BCL6: variants seen among roughly 807,000 people sequenced by gnomAD.
BCL6 encodes B-cell lymphoma 6 protein.
In BCL6, 7 loss-of-function variants were observed where a neutral mutation model predicts 59.5. The observed-to-expected ratio is 0.12, with a 90% CI of 0.07 to 0.22. The LOEUF is 0.22. Among genes scored for constraint, BCL6 ranks in the 10% least tolerant of loss-of-function variants. The pLI, the probability that BCL6 is intolerant of heterozygous loss-of-function variation, is 1.00. For synonymous variants in BCL6, 339 were observed against 349.7 expected, an observed-to-expected ratio of 0.97 and a Z score of 0.34; for missense variants, 685 against 939.4, an observed-to-expected ratio of 0.73 and a Z score of 3.54.
intron 2 of BCL6, chr3:187,734,596 AC>A (rs1560154517): frequency 1.3e-5 from 2 of 152,258 alleles, no homozygotes; most frequent in Non-Finnish European, 2.9e-5. Context: ...GAGTTGCTTG[AC>A]TTTTGTACCT....
chr3:187,735,148 A>G lies in BCL6; in HGVS notation c.-49-241T>C, dbSNP rs963253964. On this transcript the variant is annotated intron_variant, in intron 1 of 9. Transcript: ENST00000406870. The stretch of plus-strand genomic sequence containing the variant: ...GAGTACTGGGAGTACAATTGCATAC[A>G]TTAATTAGTTATACATACATACATA... Among the ~76,000 whole-genome samples the G allele has an allele frequency of 2.0e-4, 31 of 152,230 alleles. 1 individual carries two copies. The highest frequency in any genetic ancestry group is 7.5e-4 in the African/African-American group (31 of 41,458).
Position 187,722,304 on chromosome 3 carries a change from G to GGGCCCCCCCCCCCC in BCL6, c.*153_*154insGGGGGGGGGGGGCC. ...GCTGCTGCGGCTCCCAGTCCCCCAG[G>GGGCCCCCCCCCCCC]CCCCGACCCCCACCACCCCCAACCC... is the stretch of plus-strand genomic sequence containing the variant. On this transcript the variant is annotated 3_prime_UTR_variant, in exon 10 of 10. Transcript: ENST00000406870. 3.2e-5 allele frequency: 10 copies of GGGCCCCCCCCCCCC among 309,198 alleles called. No individual in the cohort carries two copies. The highest frequency in any genetic ancestry group is 1.1e-4 in the East Asian group (2 of 17,926). The allele number at this position is 309,198 out of a possible 1,614,324, so 19.2% of individuals were successfully genotyped here. A position where few individuals can be genotyped will look rare whatever the true frequency, so the allele number is the denominator to read the frequency against.
chr3:187,745,018 A>C (rs1576886124), intron 1 of BCL6, among the ~76,000 whole-genome samples: 4 of 148,918 alleles, frequency 2.7e-5, no homozygotes, highest in African/African-American at 4.9e-5. Flanking sequence ...GCCGCCCCCT[A>C]ATTCCCCTCC....
At position 187,722,360 on chromosome 3, in the gene BCL6, A is replaced by G; in HGVS notation, c.*98T>C. The G allele has an allele frequency of 8.5e-7, 1 of 1,180,346 alleles. No individual in the cohort carries two copies. Among genetic ancestry groups the G allele is most frequent in the Non-Finnish European group, 1.1e-6 (1 of 904,206 alleles). 73.1% of individuals were successfully genotyped at this position (1,180,346 alleles called of 1,614,324 possible). A position where few individuals can be genotyped will look rare whatever the true frequency, so the allele number is the denominator to read the frequency against. On this transcript the variant is annotated 3_prime_UTR_variant, in exon 10 of 10. Transcript: ENST00000406870. Reference sequence around the variant, plus strand: ...TATGATTTGCACTAGTGGATGAAAGAGGCACTACATCATGGGATGAACATT... The same window carrying G: ...TATGATTTGCACTAGTGGATGAAAGGGGCACTACATCATGGGATGAACATT...
rs1718655378 is a variant in BCL6 at position 187,725,679 on chromosome 3, T to A, written c.1709-50A>T. The A allele has an allele frequency of 6.2e-7, 1 of 1,608,772 alleles. No individual in the cohort carries two copies. The highest frequency in any genetic ancestry group is 8.5e-7 in the Non-Finnish European group (1 of 1,176,778). Reference sequence around the variant, plus strand: ...GAAAAGCCATATTCAATAAGGAAGGTCTCTGCAGTCCGTGGCTCCTGGATT... The same window carrying A: ...GAAAAGCCATATTCAATAAGGAAGGACTCTGCAGTCCGTGGCTCCTGGATT... On this transcript the variant is annotated intron_variant, in intron 7 of 9. Transcript: ENST00000406870. The surrounding 1 kb of genome is among the most constrained non-coding windows in gnomAD (Gnocchi z 4.7).
At chr3:187,744,332 C>T (rs1560160821) in intron 1 of BCL6, among the ~76,000 whole-genome samples, 1 of 152,060 alleles carries the variant, frequency 6.6e-6, no homozygotes, top group Non-Finnish European at 1.5e-5. Flanking sequence ...CCCACCCACC[C>T]CAAGAAGCCC....
chr3:187,734,209 T>C (rs1719182895), intron 2 of BCL6, among the ~76,000 whole-genome samples: 1 of 152,042 alleles, frequency 6.6e-6, no homozygotes. Flanking sequence ...CCCAGCTAAT[T>C]TTTTTGTATT....
chr3:187,724,931 G>T lies in BCL6; in HGVS notation c.1977+10C>A, dbSNP rs201578580. On this transcript the variant is annotated intron_variant, in intron 9 of 9. Transcript: ENST00000406870. The stretch of plus-strand genomic sequence containing the variant: ...GCAGGTCAGAGAGCGGCCTCAAGAG[G>T]CTTACGTACATGGTAAGGTTTCTCT... 21 of 1,612,626 alleles carry T rather than the reference G, an allele frequency of 1.3e-5. No homozygotes were observed. Among genetic ancestry groups the T allele is most frequent in the Non-Finnish European group, 1.8e-5 (21 of 1,179,660 alleles).
intron 1 of BCL6, among the ~76,000 whole-genome samples, chr3:187,744,221 G>A (rs558100188): frequency 6.6e-6 from 1 of 152,302 alleles, no homozygotes; most frequent in African/African-American, 2.4e-5. Context: ...GCAGCGGCCA[G>A]AAATCCCGCC....
chr3:187,744,793 G>A (rs1268560300), intron 1 of BCL6, among the ~76,000 whole-genome samples: 2 of 148,046 alleles, frequency 1.4e-5, no homozygotes, highest in African/African-American at 4.9e-5. Context: ...GGAGGGAAGC[G>A]GAGGCCAGGA....
chr3:187,744,199 A>G, intron 1 of BCL6, among the ~76,000 whole-genome samples: 1 of 152,278 alleles, frequency 6.6e-6, no homozygotes, highest in African/African-American at 2.4e-5. Context: ...CAGCGCCCAA[A>G]ATACAAACAC....
At chr3:187,741,610 G>C (rs1711595804) in intron 1 of BCL6, among the ~76,000 whole-genome samples, 1 of 152,178 alleles carries the variant, frequency 6.6e-6, no homozygotes, top group African/African-American at 2.4e-5. Flanking sequence ...AAACCAGCCA[G>C]TTCTGCCACC....
At chr3:187,743,956 C>T (rs1711735027) in intron 1 of BCL6, among the ~76,000 whole-genome samples, 1 of 152,240 alleles carries the variant, frequency 6.6e-6, no homozygotes, top group Non-Finnish European at 1.5e-5. Flanking sequence ...GTCCCCTCAG[C>T]CACGGCCACA....
intron 3 of BCL6, 56 bp from the exon 4 acceptor site, chr3:187,731,986 A>G (rs1719070386): frequency 6.9e-7 from 1 of 1,444,332 alleles, no homozygotes; most frequent in Admixed American, 1.8e-5. Context: ...GTGATCCCTT[A>G]CAGTCAGCAC....
chr3:187,737,158 A>G (rs1379834327), intron 1 of BCL6: 1 of 152,238 alleles, frequency 6.6e-6, no homozygotes, highest in Non-Finnish European at 1.5e-5. Context: ...ACGCTGGGTC[A>G]GTAACCACCA....
At chr3:187,727,899 A>G (rs1718801233) in intron 6 of BCL6, among the ~76,000 whole-genome samples, 1 of 152,182 alleles carries the variant, frequency 6.6e-6, no homozygotes, top group Non-Finnish European at 1.5e-5. Flanking sequence ...AACTCGACTA[A>G]TATTACTGAG....
chr3:187,740,951 T>C (rs1247371523), intron 1 of BCL6, among the ~76,000 whole-genome samples: 7 of 152,188 alleles, frequency 4.6e-5, no homozygotes, highest in Admixed American at 4.6e-4. Context: ...CTGTCAGTCC[T>C]AGCATCTGGT....
chr3:187,726,723 G>A lies in BCL6; in HGVS notation c.1708+8C>T. Reference sequence around the variant, plus strand: ...GGAGAGTTCGGGTCGTGTGGGGCAGGGCCATACCGGTATGGACGGTCTTGT... The same window carrying A: ...GGAGAGTTCGGGTCGTGTGGGGCAGAGCCATACCGGTATGGACGGTCTTGT... On this transcript the variant is annotated splice_region_variant and intron_variant, in intron 7 of 9. Transcript: ENST00000406870. The A allele has an allele frequency of 1.9e-6, 3 of 1,613,572 alleles. No individual in the cohort carries two copies. The highest frequency in any genetic ancestry group is 2.5e-6 in the Non-Finnish European group (3 of 1,179,824).
Position 187,725,228 on chromosome 3 carries a change from ACTCTGCTCACCTGCCCACTC to A in BCL6, c.1840-170_1840-151del. 1.5e-6 allele frequency: 2 copies of A among 1,313,588 alleles called. No homozygotes were observed. The highest frequency in any genetic ancestry group is 2.1e-6 in the Non-Finnish European group (2 of 955,160). 81.4% of individuals were successfully genotyped at this position (1,313,588 alleles called of 1,614,324 possible). ...GACTGAGTGGGCCTTTCTGCTGCCC[ACTCTGCTCACCTGCCCACTC>A]CTCTGCTCACCTGCCCACTCTGCTC... is the stretch of plus-strand genomic sequence containing the variant. On this transcript the variant is annotated intron_variant, in intron 8 of 9. Coordinates refer to ENST00000406870, the MANE Select transcript of BCL6 (RefSeq NM_001706.5). The surrounding 1 kb of genome is among the most constrained non-coding windows in gnomAD (Gnocchi z 4.7).
Sources: allele counts gnomAD v4.1 joint callset (sites outside exome capture counted in the v4.1 genomes callset), GRCh38; gene constraint gnomAD v4.1.1; non-coding constraint Gnocchi (gnomAD v3.1); transcripts MANE v1.5; gene names NCBI Gene and HGNC (gene_info 2026-07-23, HGNC 2026-07-21).